Variants in PHC3 observed in about 807,000 individuals in gnomAD.
The protein encoded by PHC3 is polyhomeotic-like protein 3.
In PHC3, 13 loss-of-function variants were observed where a neutral mutation model predicts 107.4. The ratio of observed to expected loss-of-function variants is 0.12; its 90% CI spans 0.08 to 0.19. PHC3 has a LOEUF of 0.19. Ranked by LOEUF, PHC3 falls within the 10% of genes least tolerant of loss-of-function variation. PHC3 has a pLI of 1.00. For synonymous variants in PHC3, 456 were observed against 427.4 expected (o/e 1.07, Z -0.83); for missense variants, 992 against 1,210.9 (o/e 0.82, Z 2.68).
intron 4 of PHC3, among the ~76,000 whole-genome samples, chr3:170,167,701 A>C (rs1355914420): frequency 1.2e-4 from 18 of 151,786 alleles, no homozygotes; most frequent in Admixed American, 1.2e-3. Flanking sequence ...TGGAGGTTGC[A>C]ATGAGCCAAG....
intron 3 of PHC3, 66 bp from the exon 4 acceptor site, chr3:170,171,516 G>T: frequency 1.8e-6 from 2 of 1,135,934 alleles, no homozygotes. Flanking sequence ...CTGGTACCAT[G>T]ATAACACAAA....
intron 8 of PHC3, chr3:170,126,120 T>C: frequency 4.1e-6 from 1 of 243,254 alleles, no homozygotes; most frequent in Non-Finnish European, 6.6e-6. Flanking sequence ...CTGATTTTAC[T>C]TTGAAAATTC....
At chr3:170,173,613 T>TG (rs1729960843) in intron 2 of PHC3, among the ~76,000 whole-genome samples, 2 of 152,196 alleles carry the variant, frequency 1.3e-5, no homozygotes, top group African/African-American at 4.8e-5. Flanking sequence ...GAATTTTAAT[T>TG]AATTTTAATT....
intron 4 of PHC3, among the ~76,000 whole-genome samples, chr3:170,153,869 C>G (rs1726443543): frequency 6.6e-6 from 1 of 152,076 alleles, no homozygotes; most frequent in Non-Finnish European, 1.5e-5. Context: ...ATTACCATAG[C>G]AAGGTATGTG....
intron 8 of PHC3, among the ~76,000 whole-genome samples, chr3:170,123,857 CT>C (rs543890140): frequency 2.7e-5 from 4 of 148,826 alleles, no homozygotes; most frequent in Admixed American, 6.7e-5. Flanking sequence ...ACTAGAAATA[CT>C]TTTTTTTTTG....
At chr3:170,172,199 T>C (rs1729701598) in intron 3 of PHC3, among the ~76,000 whole-genome samples, 1 of 152,130 alleles carries the variant, frequency 6.6e-6, no homozygotes, top group South Asian at 2.1e-4. Context: ...TTGTTTGATT[T>C]TTTAATGAGT....
chr3:170,128,008 T>C (rs750257548), intron 8 of PHC3, among the ~76,000 whole-genome samples: 15 of 152,188 alleles, frequency 9.9e-5, no homozygotes, highest in Non-Finnish European at 2.1e-4. Context: ...CCAAGATTTT[T>C]TGACATTTTT....
rs1447823343 is a variant in PHC3, at chr3:170,088,288, A to G, written c.*8942T>C. On this transcript the variant is annotated 3_prime_UTR_variant, in exon 15 of 15. Coordinates refer to ENST00000495893, the MANE Select transcript of PHC3 (RefSeq NM_024947.4). ...GGAGGAACCAAAAGGGGAATTAAAAAATTGGTTAACGTGTGCTTGAAGCAT... is the reference window on the plus strand; with the variant it reads ...GGAGGAACCAAAAGGGGAATTAAAAGATTGGTTAACGTGTGCTTGAAGCAT... The G allele has an allele frequency of 6.6e-6, 1 of 152,206 alleles. No individual in the cohort carries two copies. Among genetic ancestry groups the G allele is most frequent in the Non-Finnish European group, 1.5e-5 (1 of 68,016 alleles). 9.4% of individuals were successfully genotyped at this position (152,206 alleles called of 1,614,324 possible).
chr3:170,104,111 T>C (rs918089405), intron 12 of PHC3, among the ~76,000 whole-genome samples: 30 of 152,164 alleles, frequency 2.0e-4, no homozygotes, highest in Admixed American at 9.8e-4. Context: ...ATAGAAAATA[T>C]TGAATAAGCA....
Position 170,121,817 on chromosome 3 carries a change from CTAGAA to C in PHC3, c.1942+769_1942+773del, listed in dbSNP as rs536816920. 4.8e-3 allele frequency among the ~76,000 whole-genome samples: 732 copies of C among 152,244 alleles called. 4 individuals are homozygous for C. Among genetic ancestry groups the C allele is most frequent in the Non-Finnish European group, 8.0e-3 (546 of 68,008 alleles). On this transcript the variant is annotated intron_variant, in intron 9 of 14. Transcript: ENST00000495893. Reference sequence around the variant, plus strand: ...ATTTTCATTTATTCTAATTTTTAAACTAGAAATAGTCTGACACATGAATGTGAATG... The same window carrying C: ...ATTTTCATTTATTCTAATTTTTAAACATAGTCTGACACATGAATGTGAATG...
intron 4 of PHC3, among the ~76,000 whole-genome samples, chr3:170,159,786 G>C (rs537917915): frequency 1.3e-5 from 2 of 152,066 alleles, no homozygotes; most frequent in Non-Finnish European, 2.9e-5. Flanking sequence ...AGAAAAAACA[G>C]GCAGTTACCC....
In PHC3 at chr3:170,164,282, T is replaced by C. The variant is rs1179453153; in HGVS notation, c.414+7091A>G. On this transcript the variant is annotated intron_variant, in intron 4 of 14. Transcript: ENST00000495893. ...AGAAAATGGGACTACTGAAGGGAAG[T>C]AGTCACTTTTACTCTATATATTTGT... 2.6e-5 allele frequency among the ~76,000 whole-genome samples: 4 copies of C among 152,124 alleles called. No homozygotes were observed. In the East Asian group the frequency reaches 7.7e-4, roughly 29 times the overall value.
At chr3:170,108,665 T>C (rs942557860) in intron 11 of PHC3, among the ~76,000 whole-genome samples, 3 of 152,074 alleles carry the variant, frequency 2.0e-5, no homozygotes. Flanking sequence ...TTCCTAGAAG[T>C]ACTGTTTTTA....
chr3:170,130,904 CAG>C (rs760627396), intron 7 of PHC3, among the ~76,000 whole-genome samples: 12 of 151,918 alleles, frequency 7.9e-5, no homozygotes, highest in Admixed American at 2.6e-4. Flanking sequence ...GATTTAAAGA[CAG>C]GGCAATTTTT....
intron 7 of PHC3, among the ~76,000 whole-genome samples, chr3:170,130,043 A>G (rs1439767890): frequency 6.6e-6 from 1 of 152,254 alleles, no homozygotes; most frequent in East Asian, 1.9e-4. Context: ...AGAAAATATC[A>G]TAAAATACAC....
intron 11 of PHC3, among the ~76,000 whole-genome samples, chr3:170,111,231 C>T (rs1717575506): frequency 6.7e-6 from 1 of 148,854 alleles, no homozygotes; most frequent in South Asian, 2.1e-4. Context: ...GACGTATGTA[C>T]CGGTGACTAC....
intron 8 of PHC3, among the ~76,000 whole-genome samples, chr3:170,124,224 T>C (rs1442650240): frequency 6.6e-6 from 1 of 152,224 alleles, no homozygotes; most frequent in Non-Finnish European, 1.5e-5. Flanking sequence ...TAATTTGTTA[T>C]CATTTATTAT....
At chr3:170,156,549 G>A (rs1726929889) in intron 4 of PHC3, among the ~76,000 whole-genome samples, 1 of 151,790 alleles carries the variant, frequency 6.6e-6, no homozygotes, top group Non-Finnish European at 1.5e-5. Flanking sequence ...ATCGCACCCG[G>A]ACTTTTAAGT....
intron 8 of PHC3, among the ~76,000 whole-genome samples, chr3:170,123,356 T>TACAC (rs3980601): frequency 2.2e-4 from 33 of 149,920 alleles, no homozygotes; most frequent in Non-Finnish European, 2.5e-4. Context: ...TTGAAATGCA[T>TACAC]ACACACACAC....
Sources: gnomAD v4.1 joint callset for allele counts (sites outside exome capture counted in the v4.1 genomes callset) on GRCh38, gnomAD v4.1.1 for gene constraint, MANE v1.5 for transcripts, NCBI Gene and HGNC (gene_info 2026-07-23, HGNC 2026-07-21) for gene names.